Variants in NAA11 observed in about 807,000 individuals in gnomAD.
NAA11 encodes the protein N-alpha-acetyltransferase 11, NatA catalytic subunit.
NAA11 carries 15 observed loss-of-function variants against 16.1 expected under a neutral mutation model. The observed-to-expected ratio is 0.93, with a 90% CI of 0.62 to 1.44. The LOEUF (loss-of-function observed/expected upper bound fraction) is 1.44. Among genes scored for constraint, NAA11 ranks in the 40% most tolerant of loss-of-function variants. The pLI, the probability that NAA11 is intolerant of heterozygous loss-of-function variation, is 0.00. For synonymous variants in NAA11, 122 were observed against 112.4 expected, an observed-to-expected ratio of 1.09 and a Z score of -0.54; for missense variants, 298 against 291.3, an observed-to-expected ratio of 1.02 and a Z score of -0.17.
chr4:79,320,794 T>G (rs991747389), intron 1 of NAA11, among the ~76,000 whole-genome samples: 1 of 152,182 alleles, frequency 6.6e-6, no homozygotes, highest in African/African-American at 2.4e-5. Context: ...AAAATATTTT[T>G]TTTAGGACAT....
At chr4:79,251,081 A>G (rs1333037198) in intron 2 of NAA11, among the ~76,000 whole-genome samples, 3 of 152,214 alleles carry the variant, frequency 2.0e-5, no homozygotes, top group Admixed American at 1.3e-4. Flanking sequence ...TTCTCAAAGA[A>G]CTGAAAACAG....
intron 2 of NAA11, among the ~76,000 whole-genome samples, chr4:79,226,890 C>T (rs1041302027): frequency 3.8e-4 from 58 of 151,974 alleles, no homozygotes; most frequent in African/African-American, 1.4e-3. Flanking sequence ...AGTAAACATA[C>T]GTATGCATGA....
the NAA11 span, among the ~76,000 whole-genome samples, chr4:79,182,899 A>T: frequency 6.6e-6 from 1 of 152,174 alleles, no homozygotes; most frequent in African/African-American, 2.4e-5. Flanking sequence ...ACAATTATTT[A>T]TTGAGCTTCT....
At chr4:79,185,404 A>C in the NAA11 span, among the ~76,000 whole-genome samples, 1 of 152,176 alleles carries the variant, frequency 6.6e-6, no homozygotes, top group Non-Finnish European at 1.5e-5. Context: ...ATGGCTAGTG[A>C]AGACATGATG....
intron 2 of NAA11, among the ~76,000 whole-genome samples, chr4:79,254,398 TAA>T (rs1560426158): frequency 6.6e-6 from 1 of 152,156 alleles, no homozygotes. Flanking sequence ...TCCTTGGCAC[TAA>T]GAGAGAAAAT....
At chr4:79,190,630 CT>C in the NAA11 span, among the ~76,000 whole-genome samples, 2 of 152,078 alleles carry the variant, frequency 1.3e-5, no homozygotes, top group Admixed American at 1.3e-4. Flanking sequence ...ATTTATCCCC[CT>C]GGAGGAGCTG....
chr4:79,159,877 A>C, the NAA11 span, among the ~76,000 whole-genome samples: 3 of 151,960 alleles, frequency 2.0e-5, no homozygotes, highest in East Asian at 1.9e-4. Context: ...AGAATGTGTC[A>C]GTTTTTTTCT....
At chr4:79,159,956 G>T in the NAA11 span, among the ~76,000 whole-genome samples, 427 of 144,676 alleles carry the variant, frequency 3.0e-3, 1 homozygote, top group African/African-American at 0.011. Context: ...AGATATTTTT[G>T]TTCATCTAGA....
chr4:79,181,713 G>A, the NAA11 span, among the ~76,000 whole-genome samples: 3 of 152,148 alleles, frequency 2.0e-5, no homozygotes, highest in Non-Finnish European at 2.9e-5. Context: ...CTCTTGCTTT[G>A]CCTGCTTTTG....
chr4:79,172,246 A>G, the NAA11 span, among the ~76,000 whole-genome samples: 1 of 152,118 alleles, frequency 6.6e-6, no homozygotes, highest in Non-Finnish European at 1.5e-5. Flanking sequence ...CAGTGAGGAT[A>G]TGCTCCCTCC....
intron 1 of NAA11, chr4:79,306,867 G>C (rs1354653320): frequency 6.6e-6 from 1 of 152,116 alleles, no homozygotes; most frequent in Non-Finnish European, 1.5e-5. Context: ...AGCATATTTT[G>C]TTACCTCATC....
At chr4:79,188,734 T>C in the NAA11 span, among the ~76,000 whole-genome samples, 2 of 152,294 alleles carry the variant, frequency 1.3e-5, no homozygotes, top group Middle Eastern at 3.4e-3. Flanking sequence ...TTATTTTACA[T>C]AGTAGATTGA....
intron 1 of NAA11, among the ~76,000 whole-genome samples, chr4:79,298,271 C>T (rs1297203026): frequency 6.6e-6 from 1 of 152,214 alleles, no homozygotes; most frequent in Non-Finnish European, 1.5e-5. Flanking sequence ...TTCCTGGTCA[C>T]ATGACAAGAA....
At chr4:79,275,550 T>G (rs1292134516) in intron 2 of NAA11, among the ~76,000 whole-genome samples, 2 of 152,140 alleles carry the variant, frequency 1.3e-5, no homozygotes, top group Non-Finnish European at 2.9e-5. Flanking sequence ...TCTTCCTTTC[T>G]GTCATATGTA....
the NAA11 span, among the ~76,000 whole-genome samples, chr4:79,172,038 A>T: frequency 6.6e-6 from 1 of 152,200 alleles, no homozygotes; most frequent in Non-Finnish European, 1.5e-5. Flanking sequence ...TAAGAAGAAT[A>T]TGAACAATAG....
At chr4:79,291,345 C>T (rs1316659241) in intron 2 of NAA11, among the ~76,000 whole-genome samples, 1 of 152,058 alleles carries the variant, frequency 6.6e-6, no homozygotes. Context: ...TAACTGTAGT[C>T]TCAGCTACTA....
intron 2 of NAA11, among the ~76,000 whole-genome samples, chr4:79,246,253 C>T (rs1174568070): frequency 1.3e-5 from 2 of 151,992 alleles, no homozygotes; most frequent in African/African-American, 4.8e-5. Context: ...CTGCAGGGTC[C>T]TCTGCCTAGG....
chr4:79,313,025 C>T (rs1347876993), downstream of NAA11, among the ~76,000 whole-genome samples: 3 of 152,088 alleles, frequency 2.0e-5, no homozygotes, highest in Non-Finnish European at 4.4e-5. Flanking sequence ...AGGAATTCAC[C>T]TTCTCCATAT....
At chr4:79,242,027 T>C (rs951024300) in intron 2 of NAA11, among the ~76,000 whole-genome samples, 17 of 152,180 alleles carry the variant, frequency 1.1e-4, no homozygotes, top group African/African-American at 3.6e-4. Context: ...TCTCTGCTAT[T>C]CCAATGTGTT....
Sources: allele counts gnomAD v4.1 joint callset (sites outside exome capture counted in the v4.1 genomes callset), GRCh38; gene constraint gnomAD v4.1.1; transcripts MANE v1.5; gene names NCBI Gene and HGNC (gene_info 2026-07-23, HGNC 2026-07-21).